TTC29: variants seen among roughly 807,000 people sequenced by gnomAD.
The protein encoded by TTC29 is tetratricopeptide repeat domain 29, also known as tetratricopeptide repeat protein 29.
TTC29 carries 49 observed loss-of-function variants against 58.1 expected under a neutral mutation model. That is an observed-to-expected ratio of 0.84 (90% CI 0.67 to 1.07). The LOEUF is 1.07. TTC29 is among the 50% of genes least tolerant of loss of function. TTC29 has a pLI of 0.00. For missense variants in TTC29, 582 were observed against 555.6 expected (o/e 1.05, Z -0.48); for synonymous variants, 209 against 196.8 (o/e 1.06, Z -0.52).
In TTC29 at chr4:146,800,882, G is replaced by C. The variant is rs185775236; in HGVS notation, c.1330+2575C>G. ...GGCGATTACAGAAATGGCCGTGGTA[G>C]GATGCAGAATATGCCAAATGAAAAG... On this transcript the variant is annotated intron_variant, in intron 11 of 12. Transcript: ENST00000325106. Among the ~76,000 whole-genome samples, 104 of 152,276 alleles carry C rather than the reference G, an allele frequency of 6.8e-4. 1 individual carries two copies. Among genetic ancestry groups the C allele is most frequent in the African/African-American group, 2.4e-3 (101 of 41,556 alleles).
chr4:146,707,748 G>A (rs1742081262), intron 11 of TTC29, among the ~76,000 whole-genome samples, 197 bp from the exon 12 acceptor site: 1 of 152,072 alleles, frequency 6.6e-6, no homozygotes, highest in South Asian at 2.1e-4. Flanking sequence ...TTCCTGTACA[G>A]CACGATCTTG....
At chr4:146,826,783 A>C (rs2150149183) in intron 9 of TTC29, among the ~76,000 whole-genome samples, 1 of 151,690 alleles carries the variant, frequency 6.6e-6, no homozygotes, top group South Asian at 2.1e-4. Context: ...GAAGTCCCAT[A>C]TTTCTTGGAG....
chr4:146,823,711 T>C (rs1449581122), intron 9 of TTC29, among the ~76,000 whole-genome samples: 1 of 152,232 alleles, frequency 6.6e-6, no homozygotes, highest in East Asian at 1.9e-4. Flanking sequence ...ATTTTCATGA[T>C]ACTGATTCTT....
intron 11 of TTC29, among the ~76,000 whole-genome samples, chr4:146,738,981 T>C (rs1744923289): frequency 6.6e-6 from 1 of 152,200 alleles, no homozygotes; most frequent in Non-Finnish European, 1.5e-5. Flanking sequence ...ATAGCCTTTA[T>C]AATAAACTGG....
intron 11 of TTC29, among the ~76,000 whole-genome samples, chr4:146,786,836 G>A (rs1749055167): frequency 1.3e-5 from 2 of 152,062 alleles, no homozygotes; most frequent in African/African-American, 2.4e-5. Flanking sequence ...ACTAAGGCTG[G>A]GCATGGTGGC....
At chr4:146,731,195 GATACCTTATGGTC>G (rs1379698272) in intron 11 of TTC29, among the ~76,000 whole-genome samples, 1 of 152,134 alleles carries the variant, frequency 6.6e-6, no homozygotes, top group Non-Finnish European at 1.5e-5. Flanking sequence ...ATATCATAGT[GATACCTTATGGTC>G]ATTATCTTTT....
At chr4:146,752,610 A>G (rs1746099037) in intron 11 of TTC29, among the ~76,000 whole-genome samples, 1 of 151,970 alleles carries the variant, frequency 6.6e-6, no homozygotes. Context: ...CCTAAGCCAA[A>G]AGAACAAAGC....
chr4:146,776,509 T>C (rs1367589575), intron 11 of TTC29, among the ~76,000 whole-genome samples: 2 of 152,052 alleles, frequency 1.3e-5, no homozygotes, highest in East Asian at 1.9e-4. Flanking sequence ...TTGGGTTCAA[T>C]TGACTGGGTT....
chr4:146,907,702 G>T (rs1032898057), intron 5 of TTC29, among the ~76,000 whole-genome samples: 13 of 152,098 alleles, frequency 8.5e-5, no homozygotes, highest in African/African-American at 3.1e-4. Flanking sequence ...TTTTCACCAT[G>T]TTGGCCAGGC....
intron 11 of TTC29, among the ~76,000 whole-genome samples, chr4:146,747,537 C>G (rs1745638728): frequency 1.3e-5 from 2 of 152,202 alleles, no homozygotes; most frequent in Non-Finnish European, 2.9e-5. Flanking sequence ...GAGACTTTCA[C>G]TACTGGAGCA....
intron 7 of TTC29, among the ~76,000 whole-genome samples, chr4:146,868,539 T>TATTA (rs1252510452): frequency 6.6e-5 from 10 of 152,140 alleles, no homozygotes; most frequent in Non-Finnish European, 1.3e-4. Flanking sequence ...TTCTAATTCC[T>TATTA]GCAATATCTT....
At chr4:146,708,308 T>TTATATATATA (rs59963230) in intron 11 of TTC29, among the ~76,000 whole-genome samples, 28 of 62,180 alleles carry the variant, frequency 4.5e-4, no homozygotes, top group East Asian at 1.5e-3. Flanking sequence ...TATGGGAAGT[T>TTATATATATA]TATATATATA....
chr4:146,712,100 A>C (rs1742537701), intron 11 of TTC29, among the ~76,000 whole-genome samples: 1 of 152,126 alleles, frequency 6.6e-6, no homozygotes. Context: ...ATTTAATTAC[A>C]ATGAGAATAT....
At chr4:146,819,496 G>A (rs953510316) in intron 10 of TTC29, among the ~76,000 whole-genome samples, 25 of 152,094 alleles carry the variant, frequency 1.6e-4, no homozygotes, top group African/African-American at 3.1e-4. Context: ...AAGGAGAATC[G>A]GTAATAAAAA....
At chr4:146,866,355 G>A (rs559702352) in intron 8 of TTC29, among the ~76,000 whole-genome samples, 4 of 152,232 alleles carry the variant, frequency 2.6e-5, no homozygotes, top group South Asian at 4.1e-4. Flanking sequence ...GTGCACACAC[G>A]TATATTTGCT....
At chr4:146,905,946 G>A (rs1342794358) in intron 5 of TTC29, among the ~76,000 whole-genome samples, 1 of 152,016 alleles carries the variant, frequency 6.6e-6, no homozygotes, top group African/African-American at 2.4e-5. Flanking sequence ...TTTTGCCTTA[G>A]AACATAATTT....
chr4:146,758,052 G>A lies in TTC29; in HGVS notation c.1330+45405C>T, dbSNP rs1746590468. Among the ~76,000 whole-genome samples the A allele has an allele frequency of 2.0e-5, 3 of 152,080 alleles. No homozygotes were observed. In the South Asian group the frequency reaches 6.2e-4, roughly 31 times the overall value. On this transcript the variant is annotated intron_variant, in intron 11 of 12. Coordinates refer to ENST00000325106, the MANE Select transcript of TTC29 (RefSeq NM_031956.4). ...TGCACTTAAAAGGTATAGAACCACAGAATGGATAAGAACTCACAAACCAAC... is the reference window on the plus strand; with the variant it reads ...TGCACTTAAAAGGTATAGAACCACAAAATGGATAAGAACTCACAAACCAAC...
chr4:146,934,337 G>T (rs1314625183), intron 4 of TTC29: 1 of 152,242 alleles, frequency 6.6e-6, no homozygotes, highest in Non-Finnish European at 1.5e-5. Context: ...CAGTAAGCAA[G>T]GTAAGACTCA....
Position 146,867,598 on chromosome 4 carries a change from TA to T in TTC29, c.800-16del. The stretch of plus-strand genomic sequence containing the variant: ...TTTGTCACTTCCTGAAGTGAAGATG[TA>T]AAAAAATTACCAAGTATTCAATAAA... On this transcript the variant is annotated splice_polypyrimidine_tract_variant and intron_variant, in intron 7 of 12. Transcript: ENST00000325106. The T allele has an allele frequency of 1.4e-5, 18 of 1,310,422 alleles. No individual in the cohort carries two copies. Among genetic ancestry groups the T allele is most frequent in the Admixed American group, 7.7e-5 (3 of 39,072 alleles). The allele number at this position is 1,310,422 out of a possible 1,614,324, so 81.2% of individuals were successfully genotyped here.
Sources: gnomAD v4.1 joint callset for allele counts (sites outside exome capture counted in the v4.1 genomes callset) on GRCh38, gnomAD v4.1.1 for gene constraint, MANE v1.5 for transcripts, NCBI Gene and HGNC (gene_info 2026-07-23, HGNC 2026-07-21) for gene names.